Variants in WDR76 observed in about 807,000 individuals in gnomAD.
The protein encoded by WDR76 is WD repeat domain 76, also known as WD repeat-containing protein 76.
Under a neutral mutation model 70.2 loss-of-function variants are expected in WDR76, and 52 were observed. The observed-to-expected ratio is 0.74, with a 90% CI of 0.59 to 0.93. WDR76 has a LOEUF of 0.93. WDR76 is among the 40% of genes least tolerant of loss of function. The pLI, the probability that WDR76 is intolerant of heterozygous loss-of-function variation, is 0.00. For missense variants in WDR76, 756 were observed against 760.2 expected, an observed-to-expected ratio of 0.99 and a Z score of 0.07; for synonymous variants, 292 against 271.1, an observed-to-expected ratio of 1.08 and a Z score of -0.76.
Position 43,866,206 on chromosome 15 carries a change from T to G in WDR76, c.1695T>G (p.Val565=). 1.2e-6 allele frequency: 2 copies of G among 1,614,222 alleles called. No homozygotes were observed. Among genetic ancestry groups the G allele is most frequent in the East Asian group, 4.5e-5 (2 of 44,888 alleles). ...CTAAACAAGAAGACTGTGTCATAGT[T>G]GGCAGCATGGCCCATCCACGACGGG... ...WDPKQEDCVI[V]GSMAHPRRVE... The change falls in exon 13 of 13, where the codon GTT becomes GTG. Residue 565 remains valine, a synonymous_variant. Transcript: ENST00000263795.
intron 4 of WDR76, among the ~76,000 whole-genome samples, chr15:43,837,945 G>A (rs528849669): frequency 6.5e-4 from 97 of 150,152 alleles, no homozygotes; most frequent in Admixed American, 3.5e-3. Flanking sequence ...GCGCGATCTC[G>A]GCTCACTGCA....
At chr15:43,844,906 C>T (rs1454767619) in intron 8 of WDR76, among the ~76,000 whole-genome samples, 10 of 81,578 alleles carry the variant, frequency 1.2e-4, no homozygotes, top group African/African-American at 3.1e-4. Flanking sequence ...CCAGCCTGGG[C>T]GACAGAGCGA....
chr15:43,860,049 G>A (rs892510892), intron 11 of WDR76, among the ~76,000 whole-genome samples: 9 of 152,180 alleles, frequency 5.9e-5, no homozygotes, highest in Non-Finnish European at 4.4e-5. Flanking sequence ...CCAGGAGTTC[G>A]AGACCAGCCT....
At position 43,839,097 on chromosome 15, in the gene WDR76, G is replaced by T. The variant is rs139574561; in HGVS notation, c.609-508G>T. ...AATAGTGCATAAAAAAATAGAGAAT[G>T]TATATTATTTAAAAAGTAAACTACA... On this transcript the variant is annotated intron_variant, in intron 4 of 12. Coordinates refer to ENST00000263795, the MANE Select transcript of WDR76 (RefSeq NM_024908.4). Among the ~76,000 whole-genome samples, 887 of 152,252 alleles carry T rather than the reference G, an allele frequency of 5.8e-3. 4 individuals are homozygous for T. Among genetic ancestry groups the T allele is most frequent in the South Asian group, 0.017 (82 of 4,824 alleles).
intron 9 of WDR76, among the ~76,000 whole-genome samples, chr15:43,854,975 C>G (rs1309820338): frequency 6.6e-6 from 1 of 151,312 alleles, no homozygotes; most frequent in Non-Finnish European, 1.5e-5. Context: ...AAGAAATTTT[C>G]CATTTCCCTC....
chr15:43,862,508 T>C (rs1312830096), intron 12 of WDR76, among the ~76,000 whole-genome samples: 4 of 146,472 alleles, frequency 2.7e-5, no homozygotes, highest in Admixed American at 1.4e-4. Flanking sequence ...TTTTGTTTTT[T>C]GTTTTTTTGT....
chr15:43,858,499 A>G (rs28519630), intron 10 of WDR76, 172 bp from the exon 11 acceptor site: 87,976 of 695,660 alleles, frequency 0.13, 8,340 homozygotes, highest in African/African-American at 0.39. Context: ...ACCTGCCTCC[A>G]CCTCCCAAAG....
At chr15:43,829,644 T>C (rs964962805) in intron 2 of WDR76, among the ~76,000 whole-genome samples, 62 of 151,724 alleles carry the variant, frequency 4.1e-4, no homozygotes, top group African/African-American at 1.4e-3. Context: ...GTAGCTGGGA[T>C]TACAGGCGCC....
intron 11 of WDR76, among the ~76,000 whole-genome samples, chr15:43,859,585 G>A (rs2087971335): frequency 6.6e-6 from 1 of 152,220 alleles, no homozygotes; most frequent in African/African-American, 2.4e-5. Context: ...GATGGGAAGA[G>A]CGTGGTCTGC....
chr15:43,861,379 A>G lies in WDR76; in HGVS notation c.1609A>G (p.Thr537Ala). The G allele has an allele frequency of 1.2e-6, 2 of 1,613,792 alleles. No homozygotes were observed. The highest frequency in any genetic ancestry group is 2.2e-5 in the East Asian group (1 of 44,886). ...CISSKIPLLTTIRHNTFTGRW... is the reference protein window; with the variant it reads ...CISSKIPLLTAIRHNTFTGRW... ...ATCTTCTAAGATTCCGCTCCTCACC[A>G]CCATCAGGTAGGCTTCTATATGCCA... The change falls in exon 12 of 13, where the codon ACC becomes GCC. Residue 537 changes from threonine (T) to alanine (A), a missense_variant. Thr to Ala is a moderately conservative substitution (Grantham distance 58, BLOSUM62 0). Transcript: ENST00000263795.
chr15:43,830,340 A>T (rs1289843478), intron 2 of WDR76, among the ~76,000 whole-genome samples: 2 of 151,940 alleles, frequency 1.3e-5, no homozygotes, highest in Non-Finnish European at 2.9e-5. Context: ...AAGCAGGTGG[A>T]TCACCTGAGG....
rs553208579 is a variant in WDR76, at chr15:43,852,749, G to T, written c.1191+1504G>T. Among the ~76,000 whole-genome samples, 12 of 152,272 alleles carry T rather than the reference G, an allele frequency of 7.9e-5. No individual in the cohort carries two copies. In the South Asian group the frequency reaches 2.3e-3, roughly 29 times the overall value. On this transcript the variant is annotated intron_variant, in intron 9 of 12. Transcript: ENST00000263795. The stretch of plus-strand genomic sequence containing the variant: ...TTGTGACTGGTTTCTTTAACAAAAT[G>T]TATTCAAAGTTCATCCATGTTGTAG...
chr15:43,848,745 CCTGA>C (rs142099761), intron 8 of WDR76, among the ~76,000 whole-genome samples: 1,627 of 152,196 alleles, frequency 0.011, 27 homozygotes, highest in African/African-American at 0.037. Context: ...TCAAGATCAG[CCTGA>C]CTAACATGGT....
intron 12 of WDR76, 35 bp downstream of exon 12, chr15:43,861,421 A>T (rs1257692609): frequency 1.1e-5 from 17 of 1,568,426 alleles, no homozygotes; most frequent in Non-Finnish European, 1.4e-5. Flanking sequence ...GTAGATGTGG[A>T]TTACTATGAA....
chr15:43,827,124 C>T, intron 1 of WDR76, 32 bp downstream of exon 1: 1 of 1,613,996 alleles, frequency 6.2e-7, no homozygotes, highest in Non-Finnish European at 8.5e-7. Flanking sequence ...CCAAGGTGTG[C>T]TCCTGCCTCG....
intron 12 of WDR76, among the ~76,000 whole-genome samples, chr15:43,865,383 C>T (rs139707364): frequency 6.2e-4 from 94 of 152,354 alleles, no homozygotes; most frequent in African/African-American, 2.0e-3. Flanking sequence ...AGTGATTCTC[C>T]GGCCTCAGCC....
rs775570110 is a variant in WDR76 at position 43,842,433 on chromosome 15, C to T, written c.751C>T (p.Pro251Ser). The change falls in exon 6 of 13, where the codon CCT becomes TCT. Residue 251 changes from proline (P) to serine (S), a missense_variant. Transcript: ENST00000263795. ...ATAACAGCCTTTGTTACCTCCTGGGCCTTTAGAAATGACTTCTGAAAATCA... is the reference window on the plus strand; with the variant it reads ...ATAACAGCCTTTGTTACCTCCTGGGTCTTTAGAAATGACTTCTGAAAATCA... Reference protein sequence around the residue: ...ADETPLLPPGPLEMTSENQED... With the variant: ...ADETPLLPPGSLEMTSENQED... 6.2e-7 allele frequency: 1 copy of T among 1,613,926 alleles called. No individual in the cohort carries two copies. Among genetic ancestry groups the T allele is most frequent in the Non-Finnish European group, 8.5e-7 (1 of 1,179,966 alleles).
At chr15:43,835,414 G>A (rs190647643) in intron 3 of WDR76, among the ~76,000 whole-genome samples, 12 of 150,602 alleles carry the variant, frequency 8.0e-5, no homozygotes, top group African/African-American at 2.7e-4. Flanking sequence ...GCTTGAGTTT[G>A]GAAAGTCAAG....
chr15:43,857,209 AATTAC>A (rs778979106), intron 10 of WDR76, 46 bp downstream of exon 10: 12 of 1,521,082 alleles, frequency 7.9e-6, no homozygotes, highest in Non-Finnish European at 8.9e-7. Flanking sequence ...TTAATGTCAC[AATTAC>A]ATGGTTTAGT....
Sources: gnomAD v4.1 joint callset for allele counts (sites outside exome capture counted in the v4.1 genomes callset) on GRCh38, gnomAD v4.1.1 for gene constraint, MANE v1.5 for transcripts, NCBI Gene and HGNC (gene_info 2026-07-23, HGNC 2026-07-21) for gene names.